The following CUEDC1 variants were observed in gnomAD, a reference collection of about 807,000 sequenced individuals.
CUEDC1 encodes CUE domain containing 1, also known as CUE domain-containing protein 1.
Under a neutral mutation model 43.7 loss-of-function variants are expected in CUEDC1, and 30 were observed. That is an observed-to-expected ratio of 0.69 (90% confidence interval 0.51 to 0.93). The LOEUF (loss-of-function observed/expected upper bound fraction) is 0.93. Among genes scored for constraint, CUEDC1 ranks in the 40% least tolerant of loss-of-function variants. The probability of loss-of-function intolerance (pLI) is 0.00; values close to 1 mark genes in which losing one functional copy is unlikely to be tolerated. For missense variants in CUEDC1, 486 were observed against 549.0 expected, an observed-to-expected ratio of 0.89 and a Z score of 1.15; for synonymous variants, 223 against 223.6, an observed-to-expected ratio of 1.00 and a Z score of 0.02.
chr17:57,909,328 G>C (rs1598002357), intron 1 of CUEDC1, among the ~76,000 whole-genome samples: 2 of 152,062 alleles, frequency 1.3e-5, no homozygotes, highest in East Asian at 3.9e-4. Flanking sequence ...GCAGTTCTTT[G>C]GTCATACCAT....
intron 1 of CUEDC1, among the ~76,000 whole-genome samples, chr17:57,935,611 G>A (rs2143179710): frequency 6.6e-6 from 1 of 152,052 alleles, no homozygotes; most frequent in East Asian, 1.9e-4. Flanking sequence ...CCCGAGGTTT[G>A]AAAAGCCCCA....
At chr17:57,918,132 A>T (rs1441878461) in intron 1 of CUEDC1, among the ~76,000 whole-genome samples, 2 of 152,248 alleles carry the variant, frequency 1.3e-5, no homozygotes, top group Admixed American at 6.5e-5. Flanking sequence ...TAATGTCCAC[A>T]GAGCAAAATC....
Position 57,953,657 on chromosome 17 carries a change from C to T in CUEDC1, c.-316+1568G>A, listed in dbSNP as rs372673931. Among the ~76,000 whole-genome samples the T allele has an allele frequency of 1.4e-4, 22 of 152,306 alleles. No individual in the cohort carries two copies. The East Asian group carries it at 1.7e-3, about 12-fold the overall frequency. ...TTGGAAGGAGAGGAGTTAGAGCTTT[C>T]ACCAGATTCTCAAAGGGGCCCATGA... On this transcript the variant is annotated intron_variant, in intron 1 of 10. Transcript: ENST00000577830.
Position 57,919,273 on chromosome 17 carries a change from G to A in CUEDC1, c.-315-33394C>T, listed in dbSNP as rs184175955. On this transcript the variant is annotated intron_variant, in intron 1 of 10. Transcript: ENST00000577830. ...CGGCTCACTGCAACCTCCGCCTCCC[G>A]GGTTCGAGCAATTCTCCTGCCTCAG... is the stretch of plus-strand genomic sequence containing the variant. 3.7e-3 allele frequency among the ~76,000 whole-genome samples: 564 copies of A among 152,038 alleles called. 4 individuals carry two copies. The highest frequency in any genetic ancestry group is 0.013 in the African/African-American group (544 of 41,476).
intron 2 of CUEDC1, among the ~76,000 whole-genome samples, chr17:57,881,647 G>A (rs922803277): frequency 2.0e-5 from 3 of 152,204 alleles, no homozygotes; most frequent in African/African-American, 7.2e-5. Context: ...GTCAGAGTGA[G>A]GTGGGTGAGC....
intron 2 of CUEDC1, among the ~76,000 whole-genome samples, chr17:57,883,494 C>T (rs1418460559): frequency 1.3e-5 from 2 of 152,244 alleles, no homozygotes; most frequent in East Asian, 1.9e-4. Flanking sequence ...GAGGCCGAGG[C>T]GGGCAGATCA....
intron 1 of CUEDC1, among the ~76,000 whole-genome samples, chr17:57,940,708 G>A (rs2074909424): frequency 1.3e-5 from 2 of 152,308 alleles, no homozygotes; most frequent in African/African-American, 4.8e-5. Context: ...GCATTCATTT[G>A]TTTAACATTC....
At chr17:57,870,245 G>A (rs953179280) in intron 6 of CUEDC1, among the ~76,000 whole-genome samples, 6 of 152,324 alleles carry the variant, frequency 3.9e-5, no homozygotes, top group Non-Finnish European at 5.9e-5. Context: ...CCAGGTCATC[G>A]TTCCCAGCTG....
At chr17:57,916,575 C>A (rs190765413) in intron 1 of CUEDC1, among the ~76,000 whole-genome samples, 2 of 152,184 alleles carry the variant, frequency 1.3e-5, no homozygotes, top group Non-Finnish European at 2.9e-5. Flanking sequence ...CCAGTGTGAT[C>A]GATGCTGGCA....
intron 1 of CUEDC1, among the ~76,000 whole-genome samples, chr17:57,887,635 G>A (rs2074307230): frequency 7.3e-6 from 1 of 137,072 alleles, no homozygotes; most frequent in South Asian, 2.4e-4. Flanking sequence ...GGGACTACAG[G>A]TACACGCCAC....
intron 1 of CUEDC1, among the ~76,000 whole-genome samples, chr17:57,933,139 T>C (rs1229225109): frequency 6.6e-6 from 1 of 152,074 alleles, no homozygotes; most frequent in Non-Finnish European, 1.5e-5. Flanking sequence ...GGGCAATGTA[T>C]AAAATTTACC....
At chr17:57,867,256 C>T in intron 9 of CUEDC1, 101 bp downstream of exon 9, 1 of 1,126,398 alleles carries the variant, frequency 8.9e-7, no homozygotes, top group Non-Finnish European at 1.3e-6. Flanking sequence ...GTGTGTTCCT[C>T]CAGGGGACAG....
chr17:57,863,247 C>G lies in CUEDC1; in HGVS notation c.*42G>C, dbSNP rs1015589906. 4 of 152,590 alleles carry G rather than the reference C, an allele frequency of 2.6e-5. No homozygotes were observed. The highest frequency in any genetic ancestry group is 9.7e-5 in the African/African-American group (4 of 41,414). The allele number at this position is 152,590 out of a possible 1,614,324, so 9.5% of individuals were successfully genotyped here. On this transcript the variant is annotated 3_prime_UTR_variant, in exon 11 of 11. Transcript: ENST00000577830. ...AGTGTTGCTTTCCAGCTGCCCCCAC[C>G]GGGTCAGATCATCTCTGGCAAGGAA...
intron 1 of CUEDC1, among the ~76,000 whole-genome samples, chr17:57,900,569 A>T (rs2074460550): frequency 6.6e-6 from 1 of 152,236 alleles, no homozygotes; most frequent in Admixed American, 6.5e-5. Flanking sequence ...AGTGCTAGGC[A>T]AAGTACTTCT....
rs770362613 is a variant in CUEDC1 at position 57,866,489 on chromosome 17, T to G, written c.1149A>C (p.Arg383=). ...QEAPKVEEGL[R]EGQ is the part of the protein sequence containing the mutation. ...CAGGCCTTACCTCTTACTGTCCTTC[T>G]CGCAGGCCTTCCTCCACCTTGGGTG... The change falls in exon 10 of 11, where the codon CGA becomes CGC. Residue 383 remains arginine (R), a synonymous_variant. Transcript: ENST00000577830. 1 of 1,614,064 alleles carries G rather than the reference T, an allele frequency of 6.2e-7. No individual in the cohort carries two copies. The highest frequency in any genetic ancestry group is 1.3e-5 in the African/African-American group (1 of 74,934).
At chr17:57,866,378 C>T in intron 10 of CUEDC1, 96 bp downstream of exon 10, 1 of 1,183,134 alleles carries the variant, frequency 8.5e-7, no homozygotes, top group Admixed American at 1.9e-5. Flanking sequence ...TGCCTGAGCC[C>T]AGCGCCTCTG....
At chr17:57,881,286 G>A (rs764634110) in intron 2 of CUEDC1, among the ~76,000 whole-genome samples, 2 of 152,260 alleles carry the variant, frequency 1.3e-5, no homozygotes, top group African/African-American at 2.4e-5. Flanking sequence ...ATGCACTAAC[G>A]TTCTTTCCTT....
intron 3 of CUEDC1, among the ~76,000 whole-genome samples, chr17:57,876,902 A>G (rs2074133460): frequency 6.6e-6 from 1 of 152,222 alleles, no homozygotes; most frequent in Non-Finnish European, 1.5e-5. Context: ...CACACATCTC[A>G]TTCAATCCTC....
At chr17:57,882,603 G>A (rs917881043) in intron 2 of CUEDC1, among the ~76,000 whole-genome samples, 3 of 152,144 alleles carry the variant, frequency 2.0e-5, no homozygotes, top group Non-Finnish European at 2.9e-5. Context: ...AGTTTGAACT[G>A]CGTGGGTCCA....
Sources: allele counts gnomAD v4.1 joint callset (sites outside exome capture counted in the v4.1 genomes callset), GRCh38; gene constraint gnomAD v4.1.1; transcripts MANE v1.5; gene names NCBI Gene and HGNC (gene_info 2026-07-23, HGNC 2026-07-21).